The following GPD1L variants were observed in gnomAD, a reference collection of about 807,000 sequenced individuals.
The protein encoded by GPD1L is glycerol-3-phosphate dehydrogenase 1 like.
In GPD1L, 17 loss-of-function variants were observed where a neutral mutation model predicts 32.9. The ratio of observed to expected loss-of-function variants is 0.52; its 90% CI spans 0.35 to 0.78. The LOEUF is 0.78. Among genes scored for constraint, GPD1L ranks in the 30% least tolerant of loss-of-function variants. GPD1L has a pLI of 0.01. For missense variants in GPD1L, 361 were observed against 447.8 expected, an observed-to-expected ratio of 0.81 and a Z score of 1.75; for synonymous variants, 187 against 165.9, an observed-to-expected ratio of 1.13 and a Z score of -0.98.
rs1701040969 is a variant in GPD1L at position 32,159,113 on chromosome 3, GC to G, written c.852+8del. The G allele has an allele frequency of 1.9e-6, 3 of 1,606,520 alleles. No homozygotes were observed. In the East Asian group the frequency reaches 6.7e-5, roughly 36 times the overall value. On this transcript the variant is annotated splice_donor_5th_base_variant and intron_variant, in intron 6 of 7. Transcript: ENST00000282541. ...GGCCTTCGCCAGAACTGGGAAGGTA[GC>G]CCCTCACCTGCTCTCCCGCACCCCC... is the stretch of plus-strand genomic sequence containing the variant.
rs1366714933 is a variant in GPD1L at position 32,162,552 on chromosome 3, A to AT, written c.959+2884dup. Among the ~76,000 whole-genome samples the AT allele has an allele frequency of 2.3e-5, 2 of 87,022 alleles. 1 individual carries two copies. The highest frequency in any genetic ancestry group is 4.3e-5 in the Non-Finnish European group (2 of 46,592). 57.1% of individuals were successfully genotyped at this position (87,022 alleles called of 152,430 possible). ...AGGCGCCCGCCACCGCGCCCGGCTA[A>AT]TTTTTTGTATTTTTAGTAGAGACGG... is the stretch of plus-strand genomic sequence containing the variant. On this transcript the variant is annotated intron_variant, in intron 7 of 7. Transcript: ENST00000282541.
intron 5 of GPD1L, among the ~76,000 whole-genome samples, chr3:32,154,984 A>G (rs921519618): frequency 6.6e-6 from 1 of 152,138 alleles, no homozygotes; most frequent in Non-Finnish European, 1.5e-5. Flanking sequence ...CCTGAGCTCA[A>G]GCAATCCACC....
chr3:32,158,601 C>T, intron 5 of GPD1L: 1 of 597,274 alleles, frequency 1.7e-6, no homozygotes. Context: ...TAACCAAAGA[C>T]TACTATCAGC....
At chr3:32,138,335 C>A (rs1293729602) in intron 2 of GPD1L, among the ~76,000 whole-genome samples, 2 of 152,114 alleles carry the variant, frequency 1.3e-5, no homozygotes, top group African/African-American at 4.8e-5. Flanking sequence ...ATTAGAGGTG[C>A]CTTTTGCAGA....
intron 5 of GPD1L, chr3:32,151,198 C>CT (rs1188601627): frequency 3.4e-6 from 2 of 595,250 alleles, no homozygotes; most frequent in Non-Finnish European, 3.2e-6. Context: ...ATCCAGGTAC[C>CT]TTTCTCTTTG....
chr3:32,152,207 A>G (rs1173980008), intron 5 of GPD1L, among the ~76,000 whole-genome samples: 3 of 152,188 alleles, frequency 2.0e-5, no homozygotes, highest in African/African-American at 7.2e-5. Flanking sequence ...TTGGATTTTC[A>G]GATTAGGAAT....
At chr3:32,137,749 C>G (rs1700687048) in intron 2 of GPD1L, among the ~76,000 whole-genome samples, 1 of 152,182 alleles carries the variant, frequency 6.6e-6, no homozygotes. Flanking sequence ...TAATCTTCAC[C>G]CTTAAGGAAA....
At chr3:32,124,517 A>T (rs559409177) in intron 1 of GPD1L, among the ~76,000 whole-genome samples, 2 of 152,376 alleles carry the variant, frequency 1.3e-5, no homozygotes, top group South Asian at 4.1e-4. Context: ...CACTTGGGAC[A>T]AATGCATCTA....
chr3:32,158,835 G>C, intron 5 of GPD1L, 41 bp from the exon 6 acceptor site: 1 of 1,602,610 alleles, frequency 6.2e-7, no homozygotes, highest in South Asian at 1.1e-5. Flanking sequence ...ACCCGTGGTG[G>C]GTGCTGTAAC....
chr3:32,117,727 A>T (rs1317466381), intron 1 of GPD1L, among the ~76,000 whole-genome samples: 1 of 152,196 alleles, frequency 6.6e-6, no homozygotes, highest in Non-Finnish European at 1.5e-5. Flanking sequence ...CACCATGGAC[A>T]GTTTGGTTCT....
At chr3:32,114,769 G>C (rs1395440956) in intron 1 of GPD1L, among the ~76,000 whole-genome samples, 4 of 152,182 alleles carry the variant, frequency 2.6e-5, no homozygotes, top group African/African-American at 9.7e-5. Context: ...ATGTTCAGAT[G>C]TGTTCGGAGT....
chr3:32,167,041 C>G lies in GPD1L; in HGVS notation c.*1131C>G, dbSNP rs1456980437. On this transcript the variant is annotated 3_prime_UTR_variant, in exon 8 of 8. Coordinates refer to ENST00000282541, the MANE Select transcript of GPD1L (RefSeq NM_015141.4). ...GAAATGCAGGTTCCCAGGTCCCACC[C>G]TGGACTTCTGAAGGGGTGTGGCATC... 1.3e-5 allele frequency: 2 copies of G among 152,198 alleles called. No homozygotes were observed. Among genetic ancestry groups the G allele is most frequent in the African/African-American group, 4.8e-5 (2 of 41,430 alleles). The allele number at this position is 152,198 out of a possible 1,614,324, so 9.4% of individuals were successfully genotyped here. A position where few individuals can be genotyped will look rare whatever the true frequency, so the allele number is the denominator to read the frequency against.
chr3:32,133,613 G>T (rs987033891), intron 2 of GPD1L, among the ~76,000 whole-genome samples: 1 of 152,124 alleles, frequency 6.6e-6, no homozygotes, highest in African/African-American at 2.4e-5. Flanking sequence ...TTTTTCTTCA[G>T]ATTTGATCCA....
chr3:32,163,273 A>T (rs565872582), intron 7 of GPD1L, among the ~76,000 whole-genome samples: 37 of 140,760 alleles, frequency 2.6e-4, no homozygotes, highest in African/African-American at 9.3e-4. Context: ...GGTTCACACC[A>T]TTCTTCTGCC....
rs1701150915 is a variant in GPD1L, at chr3:32,166,639, T to C, written c.*729T>C. 6.5e-6 allele frequency: 1 copy of C among 153,048 alleles called. No homozygotes were observed. The highest frequency in any genetic ancestry group is 2.1e-4 in the South Asian group (1 of 4,868). The allele number at this position is 153,048 out of a possible 1,614,324, so 9.5% of individuals were successfully genotyped here. A position where few individuals can be genotyped will look rare whatever the true frequency, so the allele number is the denominator to read the frequency against. On this transcript the variant is annotated 3_prime_UTR_variant, in exon 8 of 8. Transcript: ENST00000282541. ...TTCTGATTAACAGACACTTGTATGA[T>C]GCTTTAGGCTAGTTAGTGCATTTTT... is the stretch of plus-strand genomic sequence containing the variant.
chr3:32,165,168 C>T (rs376705401), intron 7 of GPD1L, among the ~76,000 whole-genome samples: 99 of 152,130 alleles, frequency 6.5e-4, no homozygotes, highest in African/African-American at 1.8e-3. Context: ...ATCATGCCAC[C>T]GCACTCCAGC....
In GPD1L at chr3:32,138,621, A is replaced by G. The variant is rs781503701; in HGVS notation, c.260A>G (p.Asp87Gly). The G allele has an allele frequency of 6.2e-7, 1 of 1,613,870 alleles. No homozygotes were observed. The highest frequency in any genetic ancestry group is 8.5e-7 in the Non-Finnish European group (1 of 1,179,868). Residue 87 changes from aspartate (D) to glycine (G), a missense_variant, in exon 3 of 8, where the codon GAT becomes GGT. Asp to Gly is a moderately conservative substitution (Grantham distance 94, BLOSUM62 -1). Transcript: ENST00000282541. ...AMSNLSEAVQ[D>G]ADLLVFVIPH... ...TCAAATCTTAGCGAGGCTGTGCAGG[A>G]TGCAGACCTGCTGGTGTTTGTCATT...
intron 5 of GPD1L, among the ~76,000 whole-genome samples, chr3:32,148,799 C>T (rs1700870259): frequency 6.6e-6 from 1 of 152,152 alleles, no homozygotes; most frequent in Non-Finnish European, 1.5e-5. Flanking sequence ...GACACATGGC[C>T]GTATGTTGCT....
intron 1 of GPD1L, 82 bp from the exon 2 acceptor site, chr3:32,127,994 A>C: frequency 1.1e-6 from 1 of 940,980 alleles, no homozygotes; most frequent in Non-Finnish European, 1.7e-6. Context: ...TCAAAACACA[A>C]GTCTTCTGAA....
Sources: gnomAD v4.1 joint callset for allele counts (sites outside exome capture counted in the v4.1 genomes callset) on GRCh38, gnomAD v4.1.1 for gene constraint, MANE v1.5 for transcripts, NCBI Gene and HGNC (gene_info 2026-07-23, HGNC 2026-07-21) for gene names.